The following ASTN2 variants were observed in gnomAD, a reference collection of about 807,000 sequenced individuals.
ASTN2 encodes the protein astrotactin-2.
ASTN2 carries 54 observed loss-of-function variants against 139.8 expected under a neutral mutation model. The observed-to-expected ratio is 0.39, with a 90% CI of 0.31 to 0.48. The LOEUF (loss-of-function observed/expected upper bound fraction) is 0.48. Among genes scored for constraint, ASTN2 ranks in the 20% least tolerant of loss-of-function variants. ASTN2 has a pLI of 0.95. For synonymous variants in ASTN2, 756 were observed against 719.5 expected (o/e 1.05, Z -0.81); for missense variants, 1,565 against 1,725.1 (o/e 0.91, Z 1.64).
At chr9:117,154,584 G>A (rs1011637453) in intron 3 of ASTN2, among the ~76,000 whole-genome samples, 1 of 152,018 alleles carries the variant, frequency 6.6e-6, no homozygotes, top group African/African-American at 2.4e-5. Context: ...ATAAAAGTTT[G>A]CAATATTATC....
chr9:116,487,478 A>C lies in ASTN2; in HGVS notation c.3378T>G (p.Asp1126Glu), dbSNP rs771706204. Residue 1126 changes from aspartate (D) to glutamate (E), a missense_variant, in exon 20 of 23, where the codon GAT becomes GAG. Physicochemically the swap from Asp to Glu is conservative, Grantham distance 45. Coordinates refer to ENST00000313400, the MANE Select transcript of ASTN2 (RefSeq NM_001365068.1). ...LYTGEFLSFA[D>E]DLLSGLGTSC... Reference sequence around the variant, plus strand: ...ATGTGCCCAGGCCAGAGAGTAAGTCATCAGCAAAACTCAGGAATTCTCCTG... The same window carrying C: ...ATGTGCCCAGGCCAGAGAGTAAGTCCTCAGCAAAACTCAGGAATTCTCCTG... 2 of 1,614,000 alleles carry C rather than the reference A, an allele frequency of 1.2e-6. No individual in the cohort carries two copies. The highest frequency in any genetic ancestry group is 2.7e-5 in the African/African-American group (2 of 75,050).
Position 116,733,351 on chromosome 9 carries a change from C to T in ASTN2, c.2521+48G>A, listed in dbSNP as rs781271343. ...CTGATATGCACTAGGTGTGGAGACT[C>T]GGTGTGTGGTCAGGGAACCTGGGAA... On this transcript the variant is annotated intron_variant, in intron 14 of 22. Transcript: ENST00000313400. 3.4e-5 allele frequency: 54 copies of T among 1,589,448 alleles called. No individual in the cohort carries two copies. The African/African-American group carries it at 5.2e-4, about 15-fold the overall frequency.
chr9:117,206,055 T>A (rs540396067), intron 3 of ASTN2, among the ~76,000 whole-genome samples: 1 of 152,252 alleles, frequency 6.6e-6, no homozygotes, highest in South Asian at 2.1e-4. Context: ...GGGAGTGATG[T>A]CAGCAAGATG....
intron 3 of ASTN2, among the ~76,000 whole-genome samples, chr9:117,145,911 T>C (rs1045049766): frequency 1.3e-5 from 2 of 152,124 alleles, no homozygotes; most frequent in African/African-American, 4.8e-5. Flanking sequence ...TCTAAGCTGA[T>C]ACAGATTTGA....
intron 1 of ASTN2, among the ~76,000 whole-genome samples, chr9:117,307,260 A>C (rs750295165): frequency 6.6e-6 from 1 of 152,356 alleles, no homozygotes; most frequent in South Asian, 2.1e-4. Context: ...ATATGTTCAC[A>C]TATGGCTGTT....
intron 5 of ASTN2, among the ~76,000 whole-genome samples, chr9:117,078,730 A>C (rs1564415726): frequency 6.6e-6 from 1 of 151,862 alleles, no homozygotes; most frequent in East Asian, 1.9e-4. Flanking sequence ...AGAGCTTTTT[A>C]TTTTATTTTT....
intron 6 of ASTN2, among the ~76,000 whole-genome samples, chr9:117,029,293 T>C (rs972370911): frequency 1.1e-4 from 17 of 152,162 alleles, no homozygotes; most frequent in Non-Finnish European, 1.3e-4. Flanking sequence ...ACCAGTGTTA[T>C]TGCAACCATT....
At chr9:117,366,918 G>A (rs957498849) in intron 1 of ASTN2, among the ~76,000 whole-genome samples, 1 of 151,996 alleles carries the variant, frequency 6.6e-6, no homozygotes, top group African/African-American at 2.4e-5. Context: ...GGGACTACAG[G>A]TGCACACCAC....
intron 11 of ASTN2, among the ~76,000 whole-genome samples, chr9:116,853,538 C>T (rs1000631290): frequency 2.6e-5 from 4 of 152,156 alleles, no homozygotes; most frequent in African/African-American, 9.7e-5. Flanking sequence ...GCCTCATTTA[C>T]TCTCCTCTGC....
intron 11 of ASTN2, among the ~76,000 whole-genome samples, chr9:116,860,325 C>T (rs1832845262): frequency 6.6e-6 from 1 of 152,202 alleles, no homozygotes; most frequent in Admixed American, 6.5e-5. Context: ...ATTTGTGTGG[C>T]CCCAAATATA....
At chr9:117,186,166 T>G (rs1158071005) in intron 3 of ASTN2, among the ~76,000 whole-genome samples, 2 of 152,222 alleles carry the variant, frequency 1.3e-5, no homozygotes, top group Non-Finnish European at 2.9e-5. Flanking sequence ...ATCAATTTTT[T>G]GAAAATTTTA....
At chr9:116,806,721 G>A (rs1831038922) in intron 12 of ASTN2, among the ~76,000 whole-genome samples, 2 of 152,106 alleles carry the variant, frequency 1.3e-5, no homozygotes, top group African/African-American at 4.8e-5. Flanking sequence ...GTTTCCTCAT[G>A]TGTAAAATAG....
intron 13 of ASTN2, among the ~76,000 whole-genome samples, chr9:116,761,409 T>C (rs1829669200): frequency 6.6e-6 from 1 of 152,176 alleles, no homozygotes; most frequent in Admixed American, 6.5e-5. Context: ...AGGTGCTCTC[T>C]GCAAGAGAAG....
chr9:117,255,056 C>T (rs1222978615), intron 2 of ASTN2, among the ~76,000 whole-genome samples: 2 of 152,178 alleles, frequency 1.3e-5, no homozygotes, highest in Non-Finnish European at 1.5e-5. Context: ...CAAATAATCA[C>T]AGTTCTTCTG....
At chr9:116,976,577 A>G in intron 8 of ASTN2, 124 bp downstream of exon 8, 2 of 777,820 alleles carry the variant, frequency 2.6e-6, no homozygotes, top group Middle Eastern at 7.6e-4. Context: ...TGGGTTTTGC[A>G]GGAACACTAC....
At chr9:116,449,034 A>C (rs1318346132) in intron 20 of ASTN2, among the ~76,000 whole-genome samples, 2 of 152,196 alleles carry the variant, frequency 1.3e-5, no homozygotes, top group Admixed American at 1.3e-4. Context: ...CTGAGTTCGA[A>C]TGTTTGTTCT....
chr9:117,210,365 A>G (rs1832079797), intron 3 of ASTN2, among the ~76,000 whole-genome samples: 1 of 152,170 alleles, frequency 6.6e-6, no homozygotes, highest in African/African-American at 2.4e-5. Flanking sequence ...GGGAGACATC[A>G]CAATGGATAT....
intron 12 of ASTN2, among the ~76,000 whole-genome samples, chr9:116,819,085 G>A (rs547061705): frequency 5.3e-5 from 8 of 152,298 alleles, no homozygotes; most frequent in Middle Eastern, 3.4e-3. Context: ...ATTACAATTC[G>A]TGTCTTTTGA....
chr9:117,347,457 G>A (rs113055225), intron 1 of ASTN2, among the ~76,000 whole-genome samples: 29 of 151,644 alleles, frequency 1.9e-4, no homozygotes, highest in African/African-American at 5.6e-4. Context: ...GTCTCCTCAC[G>A]TTCTCACAAC....
Sources: allele counts gnomAD v4.1 joint callset (sites outside exome capture counted in the v4.1 genomes callset), GRCh38; gene constraint gnomAD v4.1.1; transcripts MANE v1.5; gene names NCBI Gene and HGNC (gene_info 2026-07-23, HGNC 2026-07-21).